Variants in PAK2 observed in about 807,000 individuals in gnomAD.
PAK2 encodes the protein p21 (RAC1) activated kinase 2.
Under a neutral mutation model 65.9 loss-of-function variants are expected in PAK2, and 21 were observed. The ratio of observed to expected loss-of-function variants is 0.32; its 90% CI spans 0.23 to 0.46. The LOEUF (loss-of-function observed/expected upper bound fraction) is 0.46. Among genes scored for constraint, PAK2 ranks in the 20% least tolerant of loss-of-function variants. The pLI is 1.00. For missense variants in PAK2, 324 were observed against 642.6 expected (o/e 0.50, Z 5.36); for synonymous variants, 204 against 219.7 (o/e 0.93, Z 0.63).
intron 2 of PAK2, among the ~76,000 whole-genome samples, chr3:196,797,349 G>C (rs62409454): frequency 0.011 from 1,699 of 152,254 alleles, 12 homozygotes; most frequent in South Asian, 0.025. Context: ...TATAATCCCA[G>C]CTACTTGGGA....
chr3:196,775,863 A>C (rs970882558), intron 1 of PAK2, among the ~76,000 whole-genome samples: 2 of 152,220 alleles, frequency 1.3e-5, no homozygotes, highest in African/African-American at 4.8e-5. Context: ...TGGGTTTTCA[A>C]CATGTTAAGG....
chr3:196,786,598 A>T (rs544612389), intron 2 of PAK2, among the ~76,000 whole-genome samples: 1 of 151,936 alleles, frequency 6.6e-6, no homozygotes, highest in Non-Finnish European at 1.5e-5. Flanking sequence ...GCTGGATTTT[A>T]TTTTTGTATA....
chr3:196,742,230 A>G (rs769774618), intron 1 of PAK2, among the ~76,000 whole-genome samples: 8 of 151,264 alleles, frequency 5.3e-5, no homozygotes, highest in South Asian at 2.1e-4. Flanking sequence ...CTGGGATTAC[A>G]GGCACGCGCC....
intron 1 of PAK2, among the ~76,000 whole-genome samples, chr3:196,755,166 C>A (rs1416847970): frequency 1.3e-5 from 2 of 152,148 alleles, no homozygotes. Flanking sequence ...CTAGAGTAAA[C>A]CTGTTCCAAT....
At chr3:196,827,121 C>A in intron 13 of PAK2, 75 bp from the exon 14 acceptor site, 3 of 848,996 alleles carry the variant, frequency 3.5e-6, no homozygotes, top group African/African-American at 1.7e-5. Context: ...AGAAAGAATC[C>A]CTTAGACTTT....
intron 2 of PAK2, among the ~76,000 whole-genome samples, chr3:196,793,772 A>T (rs1276417773): frequency 6.6e-6 from 1 of 152,216 alleles, no homozygotes; most frequent in Non-Finnish European, 1.5e-5. Flanking sequence ...TTCTTGGAAT[A>T]TCAACATTTA....
chr3:196,821,865 A>C (rs1045213907), intron 13 of PAK2, among the ~76,000 whole-genome samples: 1 of 152,214 alleles, frequency 6.6e-6, no homozygotes, highest in Non-Finnish European at 1.5e-5. Flanking sequence ...AATTAAAATC[A>C]TACATCCATA....
chr3:196,815,877 A>G (rs961490837), intron 11 of PAK2, among the ~76,000 whole-genome samples: 3 of 152,156 alleles, frequency 2.0e-5, no homozygotes, highest in Admixed American at 6.6e-5. Flanking sequence ...TTCAGTATCA[A>G]TAAGTCTGTG....
chr3:196,828,246 T>C (rs1711950889), intron 14 of PAK2, 73 bp from the exon 15 acceptor site: 1 of 840,004 alleles, frequency 1.2e-6, no homozygotes. Flanking sequence ...TGGGGCTTAA[T>C]TGAACAAAAT....
chr3:196,803,612 G>T (rs971189825), intron 4 of PAK2, among the ~76,000 whole-genome samples: 2 of 152,164 alleles, frequency 1.3e-5, no homozygotes, highest in South Asian at 4.1e-4. Context: ...TCGCAAGTGT[G>T]CAGATAATAG....
chr3:196,788,474 C>T (rs75170605), intron 2 of PAK2, among the ~76,000 whole-genome samples: 1,607 of 152,162 alleles, frequency 0.011, 30 homozygotes, highest in African/African-American at 0.037. Context: ...GAAAATTATC[C>T]TTTTGGATCG....
chr3:196,804,858 TAC>T (rs1227157882), intron 4 of PAK2, among the ~76,000 whole-genome samples: 317 of 150,342 alleles, frequency 2.1e-3, no homozygotes, highest in African/African-American at 6.0e-3. Flanking sequence ...CACACACATA[TAC>T]ACACACACAC....
chr3:196,793,322 C>T (rs1057163332), intron 2 of PAK2, among the ~76,000 whole-genome samples: 2 of 152,214 alleles, frequency 1.3e-5, no homozygotes, highest in African/African-American at 4.8e-5. Context: ...GCATTTTCAA[C>T]TCCTTTCCCC....
rs147895575 is a variant in PAK2, at chr3:196,769,272, G to A, written c.-21-13354G>A. 4.0e-4 allele frequency among the ~76,000 whole-genome samples: 61 copies of A among 151,954 alleles called. No individual in the cohort carries two copies. In the East Asian group the frequency reaches 0.01, roughly 26 times the overall value. The stretch of plus-strand genomic sequence containing the variant: ...GCCCAGGAGGTTGCTGCAGTGAGCC[G>A]TTATTGCACCACTGCACTCCTGCTT... On this transcript the variant is annotated intron_variant, in intron 1 of 14. Transcript: ENST00000327134.
rs71301221 is a variant in PAK2 at position 196,759,498 on chromosome 3, G to GTTTTTTTT, written c.-22+19373_-22+19380dup. The stretch of plus-strand genomic sequence containing the variant: ...GGTATACAGTTAAGTGGTTTTTTTT[G>GTTTTTTTT]TTTTTTTTTTTTTTTTTTTTTTTTT... On this transcript the variant is annotated intron_variant, in intron 1 of 14. Transcript: ENST00000327134. Among the ~76,000 whole-genome samples, 546 of 108,006 alleles carry GTTTTTTTT rather than the reference G, an allele frequency of 5.1e-3. 48 individuals are homozygous for GTTTTTTTT. The highest frequency in any genetic ancestry group is 6.8e-3 in the Middle Eastern group (1 of 148). 70.9% of individuals were successfully genotyped at this position (108,006 alleles called of 152,430 possible). A position where few individuals can be genotyped will look rare whatever the true frequency, so the allele number is the denominator to read the frequency against.
At chr3:196,803,448 A>G (rs895050208) in intron 4 of PAK2, among the ~76,000 whole-genome samples, 1 of 151,828 alleles carries the variant, frequency 6.6e-6, no homozygotes. Context: ...TTTTGTTTTC[A>G]TTTTTCACTC....
chr3:196,812,486 G>A (rs1051284042), intron 9 of PAK2, among the ~76,000 whole-genome samples: 1 of 152,182 alleles, frequency 6.6e-6, no homozygotes, highest in Non-Finnish European at 1.5e-5. Context: ...TCCTCAGCTT[G>A]AAGTGAAAAG....
At chr3:196,745,818 TA>T (rs747996109) in intron 1 of PAK2, among the ~76,000 whole-genome samples, 99 of 142,134 alleles carry the variant, frequency 7.0e-4, no homozygotes, top group Middle Eastern at 3.6e-3. Flanking sequence ...CATCTCTAAG[TA>T]AAAAAAAAAA....
chr3:196,807,998 T>A, intron 7 of PAK2, 84 bp downstream of exon 7: 1 of 1,339,268 alleles, frequency 7.5e-7, no homozygotes, highest in East Asian at 2.3e-5. Context: ...ACTTACACTT[T>A]ACATTGTGAC....
Sources: gnomAD v4.1 joint callset for allele counts (sites outside exome capture counted in the v4.1 genomes callset) on GRCh38, gnomAD v4.1.1 for gene constraint, MANE v1.5 for transcripts, NCBI Gene and HGNC (gene_info 2026-07-23, HGNC 2026-07-21) for gene names.